FSTL5: variants seen among roughly 807,000 people sequenced by gnomAD.
The protein encoded by FSTL5 is follistatin-related protein 5.
A neutral mutation model predicts 89.1 loss-of-function variants in FSTL5; 62 were observed. The observed-to-expected ratio is 0.70, with a 90% confidence interval of 0.57 to 0.86. FSTL5 has a LOEUF of 0.86. Among genes scored for constraint, FSTL5 ranks in the 40% least tolerant of loss-of-function variants. The probability of loss-of-function intolerance (pLI) is 0.00; values close to 1 mark genes in which losing one functional copy is unlikely to be tolerated. For missense variants in FSTL5, 1,057 were observed against 1,001.6 expected (o/e 1.06, Z -0.75); for synonymous variants, 383 against 346.2 (o/e 1.11, Z -1.18).
chr4:162,101,731 T>A (rs1044434435), intron 2 of FSTL5, among the ~76,000 whole-genome samples: 2 of 152,220 alleles, frequency 1.3e-5, no homozygotes, highest in African/African-American at 4.8e-5. Context: ...GTAGGGTTTT[T>A]AATCTCCTAA....
intron 10 of FSTL5, among the ~76,000 whole-genome samples, chr4:161,520,322 TG>T (rs1031938857): frequency 8.6e-5 from 13 of 151,552 alleles, no homozygotes. Context: ...GTATTTGAAA[TG>T]TATAATATAT....
intron 3 of FSTL5, among the ~76,000 whole-genome samples, chr4:161,997,059 T>C (rs545827552): frequency 5.3e-5 from 8 of 152,324 alleles, no homozygotes; most frequent in African/African-American, 1.9e-4. Context: ...GACAGATGTA[T>C]ATTGTTTTTA....
At chr4:161,834,873 C>T (rs1730980428) in intron 4 of FSTL5, among the ~76,000 whole-genome samples, 1 of 151,804 alleles carries the variant, frequency 6.6e-6, no homozygotes, top group Non-Finnish European at 1.5e-5. Flanking sequence ...AATGGCCATA[C>T]TGCCCAAGGT....
chr4:162,042,503 C>T lies in FSTL5; in HGVS notation c.127-8845G>A, dbSNP rs17041882. Among the ~76,000 whole-genome samples, 1,474 of 151,942 alleles carry T rather than the reference C, an allele frequency of 9.7e-3. 21 individuals are homozygous for T. The highest frequency in any genetic ancestry group is 0.033 in the African/African-American group (1,371 of 41,410). On this transcript the variant is annotated intron_variant, in intron 2 of 15. Coordinates refer to ENST00000306100, the MANE Select transcript of FSTL5 (RefSeq NM_020116.5). ...TGTAACAGACTGGGTTAAGGAATTA[C>T]GGTCATTTAGGGCAGAAAAGATAGC...
At chr4:161,842,617 A>T (rs978893132) in intron 4 of FSTL5, among the ~76,000 whole-genome samples, 6 of 152,144 alleles carry the variant, frequency 3.9e-5, no homozygotes, top group Admixed American at 6.5e-5. Context: ...ATCTTTAAAA[A>T]ATAGTCTATT....
chr4:161,857,928 C>T (rs1189734969), intron 4 of FSTL5, among the ~76,000 whole-genome samples: 3 of 152,112 alleles, frequency 2.0e-5, no homozygotes, highest in Non-Finnish European at 4.4e-5. Context: ...GCCTAACTTT[C>T]GGCAAACTAC....
chr4:161,861,595 T>C (rs1425304665), intron 4 of FSTL5, among the ~76,000 whole-genome samples: 1 of 152,158 alleles, frequency 6.6e-6, no homozygotes, highest in Non-Finnish European at 1.5e-5. Context: ...AATCCAGCAG[T>C]CCAATTTTGG....
intron 15 of FSTL5, among the ~76,000 whole-genome samples, chr4:161,419,415 C>T (rs551603958): frequency 6.6e-6 from 1 of 151,948 alleles, no homozygotes; most frequent in Non-Finnish European, 1.5e-5. Context: ...GCAGGCAAAG[C>T]ACCAGCCAAT....
At chr4:161,930,504 CTT>C (rs35823299) in intron 3 of FSTL5, among the ~76,000 whole-genome samples, 2 of 150,838 alleles carry the variant, frequency 1.3e-5, no homozygotes, top group African/African-American at 4.9e-5. Context: ...ATTTTTAAAG[CTT>C]TTTTTTTCTC....
At chr4:161,565,224 T>TATC (rs59471047) in intron 8 of FSTL5, among the ~76,000 whole-genome samples, 58 of 150,312 alleles carry the variant, frequency 3.9e-4, no homozygotes, top group African/African-American at 9.0e-4. Context: ...ATATCTTGCC[T>TATC]ATCATCATCA....
chr4:161,483,487 G>A (rs1231033137), intron 12 of FSTL5, among the ~76,000 whole-genome samples: 1 of 152,160 alleles, frequency 6.6e-6, no homozygotes, highest in Non-Finnish European at 1.5e-5. Context: ...TGCTCTGCTG[G>A]AAATTATTTT....
intron 3 of FSTL5, among the ~76,000 whole-genome samples, chr4:161,978,289 T>C (rs1177822726): frequency 6.6e-6 from 1 of 152,198 alleles, no homozygotes; most frequent in Admixed American, 6.5e-5. Context: ...TTATAAGGTA[T>C]TGATGTTTTC....
At chr4:161,597,291 C>T (rs989347103) in intron 7 of FSTL5, among the ~76,000 whole-genome samples, 2 of 152,034 alleles carry the variant, frequency 1.3e-5, no homozygotes, top group African/African-American at 4.8e-5. Flanking sequence ...ACAGGGAATC[C>T]TTTCCCCATT....
rs181576814 is a variant in FSTL5, at chr4:161,525,689, C to T, written c.1312+12477G>A. 2.1e-3 allele frequency among the ~76,000 whole-genome samples: 324 copies of T among 152,244 alleles called. 3 individuals carry two copies. The highest frequency in any genetic ancestry group is 7.0e-3 in the African/African-American group (291 of 41,540). On this transcript the variant is annotated intron_variant, in intron 10 of 15. Transcript: ENST00000306100. ...TGTGTGACATTGCTGGCTCTCAAGG[C>T]ATAGGAAAAATTAACTCTAACAGAT...
chr4:161,828,758 A>G (rs1401228773), intron 4 of FSTL5, among the ~76,000 whole-genome samples: 1 of 152,142 alleles, frequency 6.6e-6, no homozygotes, highest in African/African-American at 2.4e-5. Context: ...GAATAAATGT[A>G]TGTACTTTGT....
At chr4:161,446,205 C>T (rs1732940376) in intron 15 of FSTL5, among the ~76,000 whole-genome samples, 1 of 151,984 alleles carries the variant, frequency 6.6e-6, no homozygotes, top group South Asian at 2.1e-4. Flanking sequence ...CCTGCACAGC[C>T]ACCATCACTA....
At position 161,649,773 on chromosome 4, in the gene FSTL5, C is replaced by T. The variant is rs140201329; in HGVS notation, c.894+6555G>A. Among the ~76,000 whole-genome samples the T allele has an allele frequency of 6.7e-3, 1,020 of 152,180 alleles. 17 individuals are homozygous for T. The highest frequency in any genetic ancestry group is 0.039 in the Admixed American group (592 of 15,294). ...CTATGATTTTTGTAGTTATTGCATGCCAGAGATCTATAAATGGTTGTGGGA... is the reference window on the plus strand; with the variant it reads ...CTATGATTTTTGTAGTTATTGCATGTCAGAGATCTATAAATGGTTGTGGGA... On this transcript the variant is annotated intron_variant, in intron 7 of 15. Transcript: ENST00000306100.
chr4:161,474,617 T>C (rs1168020630), intron 13 of FSTL5, among the ~76,000 whole-genome samples: 2 of 150,226 alleles, frequency 1.3e-5, no homozygotes, highest in African/African-American at 4.9e-5. Flanking sequence ...AGGATCTCGG[T>C]TCACTGCAAC....
chr4:161,556,041 G>A (rs1309604481), intron 8 of FSTL5, among the ~76,000 whole-genome samples: 1 of 151,564 alleles, frequency 6.6e-6, no homozygotes, highest in Non-Finnish European at 1.5e-5. Flanking sequence ...TTCCAAACTG[G>A]TTAAATGTTC....
Sources: allele counts gnomAD v4.1 joint callset (sites outside exome capture counted in the v4.1 genomes callset), GRCh38; gene constraint gnomAD v4.1.1; transcripts MANE v1.5; gene names NCBI Gene and HGNC (gene_info 2026-07-23, HGNC 2026-07-21).